NID1: variants seen among roughly 807,000 people sequenced by gnomAD.
NID1 encodes the protein nidogen 1.
NID1 carries 76 observed loss-of-function variants against 130.6 expected under a neutral mutation model. The ratio of observed to expected loss-of-function variants is 0.58; its 90% CI spans 0.48 to 0.70. The LOEUF (loss-of-function observed/expected upper bound fraction) is 0.70, where lower values mean the gene tolerates loss of function less well. Among genes scored for constraint, NID1 ranks in the 30% least tolerant of loss-of-function variants. NID1 has a pLI of 0.00. For synonymous variants in NID1, 665 were observed against 675.1 expected (o/e 0.98, Z 0.23); for missense variants, 1,517 against 1,664.8 (o/e 0.91, Z 1.54).
rs1415380662 is a variant in NID1, at chr1:236,024,224, AG to A, written c.1985-12del. 1.2e-6 allele frequency: 2 copies of A among 1,614,018 alleles called. No individual in the cohort carries two copies. Among genetic ancestry groups the A allele is most frequent in the Admixed American group, 3.3e-5 (2 of 60,010 alleles). ...CATCAGGGGAGCCTTCTGTGAAGAC[AG>A]AGACATTGGAACCAAGTGAGTCTTC... is the stretch of plus-strand genomic sequence containing the variant. On this transcript the variant is annotated splice_polypyrimidine_tract_variant and intron_variant, in intron 8 of 19. Coordinates refer to ENST00000264187, the MANE Select transcript of NID1 (RefSeq NM_002508.3).
intron 14 of NID1, among the ~76,000 whole-genome samples, chr1:235,990,004 G>A (rs1216355570): frequency 6.6e-6 from 1 of 152,228 alleles, no homozygotes; most frequent in Non-Finnish European, 1.5e-5. Context: ...TGAGTGAAGA[G>A]GCAACCCATT....
At chr1:236,032,749 G>A in intron 5 of NID1, 97 bp from the exon 6 acceptor site, 1 of 1,489,910 alleles carries the variant, frequency 6.7e-7, no homozygotes, top group South Asian at 1.4e-5. Context: ...GGTGAAGAAA[G>A]CAAAGAAACA....
intron 2 of NID1, among the ~76,000 whole-genome samples, chr1:236,046,852 C>T (rs1659616316): frequency 1.3e-5 from 2 of 152,244 alleles, no homozygotes; most frequent in African/African-American, 4.8e-5. Flanking sequence ...AGGCCCCTAA[C>T]AGACTTTCCC....
At chr1:235,996,089 G>A (rs1010715229) in intron 12 of NID1, among the ~76,000 whole-genome samples, 1 of 152,210 alleles carries the variant, frequency 6.6e-6, no homozygotes, top group Admixed American at 6.5e-5. Flanking sequence ...AGGAGTTTGA[G>A]GCTGCAGTGA....
intron 2 of NID1, among the ~76,000 whole-genome samples, chr1:236,046,085 G>C (rs914653321): frequency 1.1e-4 from 17 of 152,124 alleles, no homozygotes; most frequent in African/African-American, 4.1e-4. Flanking sequence ...TTGAACCCAA[G>C]CACCGTACAG....
At chr1:236,064,228 G>A (rs1379992545) in intron 1 of NID1, among the ~76,000 whole-genome samples, 13 of 152,180 alleles carry the variant, frequency 8.5e-5, no homozygotes. Context: ...CCTCGTTTGG[G>A]GCCTCCGTGG....
intron 13 of NID1, 146 bp from the exon 14 acceptor site, chr1:235,991,204 A>G (rs1572580393): frequency 1.6e-6 from 1 of 625,124 alleles, no homozygotes; most frequent in African/African-American, 1.9e-5. Flanking sequence ...GGCACCACAA[A>G]CTGCCACAGC....
intron 12 of NID1, among the ~76,000 whole-genome samples, chr1:235,998,369 A>T (rs1238649090): frequency 2.0e-5 from 3 of 152,192 alleles, no homozygotes; most frequent in Admixed American, 6.5e-5. Flanking sequence ...CAAGCAAGCC[A>T]TCTGGTTAGA....
chr1:236,022,166 CT>C (rs1450106436), intron 9 of NID1, among the ~76,000 whole-genome samples: 4 of 152,052 alleles, frequency 2.6e-5, no homozygotes, highest in Non-Finnish European at 4.4e-5. Flanking sequence ...ATTCAGGAGG[CT>C]GAGGTGGGAG....
chr1:236,029,451 ATCC>A, intron 7 of NID1, 96 bp downstream of exon 7: 6 of 1,170,538 alleles, frequency 5.1e-6, no homozygotes, highest in Admixed American at 4.1e-5. Context: ...CCCTCTCCAG[ATCC>A]CAGAGACAGC....
chr1:236,012,055 C>T lies in NID1; in HGVS notation c.2405-12G>A. ...GCATTCATCTACATCTGTAAAACAGCCACCAGGCCCAGGGACAATGAGATT... is the reference window on the plus strand; with the variant it reads ...GCATTCATCTACATCTGTAAAACAGTCACCAGGCCCAGGGACAATGAGATT... On this transcript the variant is annotated splice_polypyrimidine_tract_variant and intron_variant, in intron 11 of 19. Coordinates refer to ENST00000264187, the MANE Select transcript of NID1 (RefSeq NM_002508.3). 1 of 1,608,632 alleles carries T rather than the reference C, an allele frequency of 6.2e-7. No homozygotes were observed. Among genetic ancestry groups the T allele is most frequent in the Non-Finnish European group, 8.5e-7 (1 of 1,175,434 alleles).
Position 236,042,033 on chromosome 1 carries a change from C to T in NID1, c.1012G>A (p.Ala338Thr), listed in dbSNP as rs1558445263. The T allele has an allele frequency of 1.2e-6, 2 of 1,614,190 alleles. No homozygotes were observed. The highest frequency in any genetic ancestry group is 1.7e-6 in the Non-Finnish European group (2 of 1,180,036). The part of the protein sequence containing the change: ...VPSVLSPRRA[A>T]TERPLGPPTE... ...GGAGGTCCAAGGGGCCTTTCGGTAGCTGCCCGGCGCGGGGAGAGGACGCTG... is the reference window on the plus strand; with the variant it reads ...GGAGGTCCAAGGGGCCTTTCGGTAGTTGCCCGGCGCGGGGAGAGGACGCTG... The change falls in exon 4 of 20, where the codon GCT (alanine) becomes ACT (threonine). Residue 338 changes from alanine (A) to threonine (T), a missense_variant. Coordinates refer to ENST00000264187, the MANE Select transcript of NID1 (RefSeq NM_002508.3).
intron 5 of NID1, 39 bp from the exon 6 acceptor site, chr1:236,032,691 C>T (rs754401716): frequency 1.2e-5 from 20 of 1,604,694 alleles, no homozygotes; most frequent in Non-Finnish European, 1.6e-5. Context: ...GAGATCACTT[C>T]CAAGCCAGTC....
chr1:236,017,328 T>C lies in NID1; in HGVS notation c.2129-55A>G. 1.9e-6 allele frequency: 3 copies of C among 1,581,500 alleles called. No individual in the cohort carries two copies. In the South Asian group the frequency reaches 3.4e-5, roughly 18 times the overall value. On this transcript the variant is annotated intron_variant, in intron 9 of 19. Transcript: ENST00000264187. The stretch of plus-strand genomic sequence containing the variant: ...CTTTTTTTTAAAGCTCTTCAAACAT[T>C]ACTGACTATAATAAAATAGCATTGT...
chr1:236,003,443 G>A (rs1464915326), intron 12 of NID1, among the ~76,000 whole-genome samples: 4 of 152,136 alleles, frequency 2.6e-5, no homozygotes, highest in Non-Finnish European at 5.9e-5. Context: ...GCATTCAATG[G>A]GGCTAATCGT....
chr1:235,990,976 T>A lies in NID1; in HGVS notation c.2838A>T (p.Leu946Phe). The A allele has an allele frequency of 6.2e-7, 1 of 1,613,578 alleles. No individual in the cohort carries two copies. The change falls in exon 14 of 20, where the codon TTA (leucine) becomes TTT (phenylalanine). Residue 946 changes from leucine (L) to phenylalanine (F), a missense_variant. By Grantham distance (22) the Leu-to-Phe change is conservative. Around this residue, in one of 3 missense-constraint regions of NID1, gnomAD observed 1,329 missense variants for 1,429.2 expected, o/e 0.93. Transcript: ENST00000264187. ...CAATCTTCCCAGTCTGGGCAAAGAGTAAATGGGTCCCAGGAGGCAAGGGGA... is the reference window on the plus strand; with the variant it reads ...CAATCTTCCCAGTCTGGGCAAAGAGAAAATGGGTCCCAGGAGGCAAGGGGA... ...AVIPLPPGTH[L>F]LFAQTGKIER... is the part of the protein sequence containing the mutation.
intron 1 of NID1, among the ~76,000 whole-genome samples, chr1:236,061,392 C>A (rs61833496): frequency 6.6e-6 from 1 of 152,092 alleles, no homozygotes; most frequent in Non-Finnish European, 1.5e-5. Flanking sequence ...CAAGCAATAA[C>A]CAGACATCAC....
At chr1:236,010,106 A>G (rs148696391) in intron 12 of NID1, among the ~76,000 whole-genome samples, 4 of 152,328 alleles carry the variant, frequency 2.6e-5, no homozygotes, top group African/African-American at 9.6e-5. Flanking sequence ...AATATTAGTC[A>G]TTGTTAATAG....
intron 1 of NID1, among the ~76,000 whole-genome samples, chr1:236,058,784 CAT>C (rs1659966420): frequency 6.6e-6 from 1 of 152,192 alleles, no homozygotes; most frequent in Non-Finnish European, 1.5e-5. Flanking sequence ...TTCTCCAAAA[CAT>C]GTGTGTTTAG....
Sources: allele counts gnomAD v4.1 joint callset (sites outside exome capture counted in the v4.1 genomes callset), GRCh38; gene constraint gnomAD v4.1.1; regional missense constraint gnomAD v4.1.1; transcripts MANE v1.5; gene names NCBI Gene and HGNC (gene_info 2026-07-23, HGNC 2026-07-21).